The following TRAF2 variants were observed in gnomAD, a reference collection of about 807,000 sequenced individuals.
TRAF2 encodes TNF receptor-associated factor 2.
Under a neutral mutation model 55.6 loss-of-function variants are expected in TRAF2, and 6 were observed. The observed-to-expected ratio is 0.11, with a 90% CI of 0.06 to 0.21. TRAF2 has a LOEUF of 0.21. Ranked by LOEUF, TRAF2 falls within the 10% of genes least tolerant of loss-of-function variation. The probability of loss-of-function intolerance (pLI) is 1.00; values close to 1 mark genes in which losing one functional copy is unlikely to be tolerated. For synonymous variants in TRAF2, 329 were observed against 276.3 expected (o/e 1.19, Z -1.89); for missense variants, 561 against 684.5 (o/e 0.82, Z 2.01).
intron 1 of TRAF2, among the ~76,000 whole-genome samples, chr9:136,896,070 C>G (rs2784087): frequency 0.81 from 123,342 of 152,024 alleles, 50,386 homozygotes; most frequent in African/African-American, 0.9. Flanking sequence ...GCTCTGCCTG[C>G]AGTCCACCTT....
At chr9:136,912,078 C>G (rs1850124184) in intron 6 of TRAF2, among the ~76,000 whole-genome samples, 1 of 150,032 alleles carries the variant, frequency 6.7e-6, no homozygotes, top group Non-Finnish European at 1.5e-5. Flanking sequence ...TGGTGTCGAT[C>G]TCCTGACCTC....
At chr9:136,913,819 T>G (rs1438306760) in intron 6 of TRAF2, among the ~76,000 whole-genome samples, 2 of 152,126 alleles carry the variant, frequency 1.3e-5, no homozygotes, top group Non-Finnish European at 2.9e-5. Flanking sequence ...CCTCTCCATC[T>G]TTGCTGGTTT....
Position 136,920,359 on chromosome 9 carries a change from C to T in TRAF2, c.804C>T (p.Leu268=). Residue 268 remains leucine, a synonymous_variant, in exon 8 of 11, where the codon CTC becomes CTT. Coordinates refer to ENST00000247668, the MANE Select transcript of TRAF2 (RefSeq NM_021138.4). The part of the protein sequence containing the change: ...LGDQSHAGSE[L]LQRCESLEKK... ...ACCAGAGCCACGCGGGGTCAGAGCT[C>T]CTGCAGAGGTGCGAGAGCCTGGAGA... 6.2e-7 allele frequency: 1 copy of T among 1,614,118 alleles called. No individual in the cohort carries two copies. The highest frequency in any genetic ancestry group is 8.5e-7 in the Non-Finnish European group (1 of 1,180,042).
chr9:136,910,708 GCCAGGCCTGC>G (rs1307897872), intron 6 of TRAF2, among the ~76,000 whole-genome samples: 1 of 152,206 alleles, frequency 6.6e-6, no homozygotes, highest in African/African-American at 2.4e-5. Flanking sequence ...GGTCAGGCTG[GCCAGGCCTGC>G]CCGCGGGCTC....
chr9:136,898,168 A>T (rs901821569), intron 1 of TRAF2, among the ~76,000 whole-genome samples: 3 of 150,624 alleles, frequency 2.0e-5, no homozygotes, highest in Admixed American at 2.0e-4. Context: ...GGTGTGCTAC[A>T]TTCCCGCTCT....
At chr9:136,898,418 G>A (rs1398056478) in intron 1 of TRAF2, 3 of 187,056 alleles carry the variant, frequency 1.6e-5, no homozygotes, top group Non-Finnish European at 3.0e-5. Context: ...GGGGTTGTGC[G>A]TGGCAGGAAG....
intron 1 of TRAF2, among the ~76,000 whole-genome samples, chr9:136,892,468 AAAT>A (rs1849599851): frequency 2.0e-5 from 3 of 149,504 alleles, no homozygotes; most frequent in African/African-American, 5.0e-5. Flanking sequence ...CGTCTCAAAA[AAAT>A]AAATAAATAA....
intron 5 of TRAF2, 105 bp from the exon 6 acceptor site, chr9:136,909,815 C>T (rs949178210): frequency 1.7e-6 from 2 of 1,159,008 alleles, no homozygotes; most frequent in African/African-American, 1.5e-5. Flanking sequence ...TGACCACGTG[C>T]TCCTGCGGCC....
At chr9:136,890,437 C>G (rs1849558903) in intron 1 of TRAF2, 1 of 152,364 alleles carries the variant, frequency 6.6e-6, no homozygotes, top group African/African-American at 2.4e-5. Context: ...CGCACCAGGT[C>G]TCAGTCTGTG....
At chr9:136,907,582 A>C (rs1210414933) in intron 4 of TRAF2, among the ~76,000 whole-genome samples, 1 of 152,054 alleles carries the variant, frequency 6.6e-6, no homozygotes, top group East Asian at 1.9e-4. Context: ...CCCGCATGCT[A>C]TCTCCCGTGC....
At chr9:136,903,050 T>C (rs1348382229) in intron 4 of TRAF2, among the ~76,000 whole-genome samples, 1 of 152,138 alleles carries the variant, frequency 6.6e-6, no homozygotes, top group Admixed American at 6.6e-5. Context: ...CACTGCAGCC[T>C]CCACCTCCCA....
Position 136,903,624 on chromosome 9 carries a change from C to A in TRAF2, c.366+3104C>A, listed in dbSNP as rs192630597. ...TGTAGATGTATCTGCTGCAGGACAA[C>A]CCTGGTCCCACTGGAGATTTCAAGT... On this transcript the variant is annotated intron_variant, in intron 4 of 10. Transcript: ENST00000247668. Among the ~76,000 whole-genome samples, 154 of 151,248 alleles carry A rather than the reference C, an allele frequency of 1.0e-3. 1 individual carries two copies. The East Asian group carries it at 0.023, about 22-fold the overall frequency.
At chr9:136,921,774 G>GA (rs2131332281) in intron 9 of TRAF2, among the ~76,000 whole-genome samples, 1 of 152,126 alleles carries the variant, frequency 6.6e-6, no homozygotes, top group South Asian at 2.1e-4. Context: ...CACTGCTGGA[G>GA]AGGGGGTGGG....
intron 1 of TRAF2, among the ~76,000 whole-genome samples, chr9:136,888,573 G>A (rs1305648189): frequency 6.6e-6 from 1 of 152,178 alleles, no homozygotes; most frequent in African/African-American, 2.4e-5. Context: ...TGAGAAGGGC[G>A]AGGCCTGGGT....
Position 136,912,539 on chromosome 9 carries a change from G to A in TRAF2, c.603+2545G>A, listed in dbSNP as rs376657546. ...TTGTTTTATGTTATATATAGAGTAG[G>A]TTTAAAATTAAAAATACCTACTGAG... On this transcript the variant is annotated intron_variant, in intron 6 of 10. Transcript: ENST00000247668. 4.0e-5 allele frequency among the ~76,000 whole-genome samples: 6 copies of A among 151,886 alleles called. No individual in the cohort carries two copies. The East Asian group carries it at 1.2e-3, about 29-fold the overall frequency.
chr9:136,922,809 A>AG (rs1469480121), intron 9 of TRAF2, among the ~76,000 whole-genome samples: 1 of 82,728 alleles, frequency 1.2e-5, no homozygotes, highest in Non-Finnish European at 2.3e-5. Context: ...GTGGAGGACG[A>AG]GGATGGGGAG....
At chr9:136,888,532 C>T (rs1279891672) in intron 1 of TRAF2, among the ~76,000 whole-genome samples, 1 of 152,198 alleles carries the variant, frequency 6.6e-6, no homozygotes, top group Non-Finnish European at 1.5e-5. Context: ...GTTTGAATCT[C>T]CAGCATTTGG....
At chr9:136,893,585 C>T (rs541409202) in intron 1 of TRAF2, among the ~76,000 whole-genome samples, 1 of 152,196 alleles carries the variant, frequency 6.6e-6, no homozygotes, top group East Asian at 1.9e-4. Flanking sequence ...AGGGTTGGCG[C>T]ACCGTCTGGG....
At chr9:136,892,280 G>A (rs1477552889) in intron 1 of TRAF2, among the ~76,000 whole-genome samples, 4 of 151,764 alleles carry the variant, frequency 2.6e-5, no homozygotes, top group Admixed American at 1.3e-4. Flanking sequence ...TGGCTAACAC[G>A]GTGAAACCCC....
Sources: allele counts gnomAD v4.1 joint callset (sites outside exome capture counted in the v4.1 genomes callset), GRCh38; gene constraint gnomAD v4.1.1; transcripts MANE v1.5; gene names NCBI Gene and HGNC (gene_info 2026-07-23, HGNC 2026-07-21).